Variants in APPBP2 observed in about 807,000 individuals in gnomAD.
The protein encoded by APPBP2 is amyloid protein-binding protein 2.
APPBP2 carries 15 observed loss-of-function variants against 76.0 expected under a neutral mutation model. That is an observed-to-expected ratio of 0.20 (90% confidence interval 0.13 to 0.30). The LOEUF is 0.30. Ranked by LOEUF, APPBP2 falls within the 10% of genes least tolerant of loss-of-function variation. The pLI, the probability that APPBP2 is intolerant of heterozygous loss-of-function variation, is 1.00. For synonymous variants in APPBP2, 222 were observed against 242.2 expected (o/e 0.92, Z 0.77); for missense variants, 401 against 687.2 (o/e 0.58, Z 4.66).
chr17:60,466,506 G>T, intron 4 of APPBP2, 47 bp from the exon 5 acceptor site: 1 of 1,564,430 alleles, frequency 6.4e-7, no homozygotes, highest in South Asian at 1.1e-5. Context: ...TTTTCAGCTT[G>T]GTAGACCTGA....
intron 9 of APPBP2, among the ~76,000 whole-genome samples, chr17:60,458,044 C>T (rs942024755): frequency 6.6e-6 from 1 of 152,202 alleles, no homozygotes; most frequent in Admixed American, 6.5e-5. Flanking sequence ...TAAATGAAAT[C>T]ATACAATATG....
chr17:60,465,520 C>G (rs2090504440), intron 5 of APPBP2, among the ~76,000 whole-genome samples: 1 of 152,122 alleles, frequency 6.6e-6, no homozygotes, highest in Non-Finnish European at 1.5e-5. Context: ...GTGCTGAGAG[C>G]TGCAAAGACA....
intron 1 of APPBP2, among the ~76,000 whole-genome samples, chr17:60,515,947 T>G (rs1248055130): frequency 1.3e-5 from 2 of 152,134 alleles, no homozygotes; most frequent in African/African-American, 4.8e-5. Flanking sequence ...GGCAGATCAC[T>G]TGAGGTCAGG....
At chr17:60,491,875 C>G (rs1012073408) in intron 3 of APPBP2, among the ~76,000 whole-genome samples, 1 of 152,208 alleles carries the variant, frequency 6.6e-6, no homozygotes, top group Non-Finnish European at 1.5e-5. Flanking sequence ...GCATGAGTAA[C>G]GAGCAGCCAA....
At chr17:60,524,891 G>C (rs1179960880) in intron 1 of APPBP2, among the ~76,000 whole-genome samples, 3 of 152,224 alleles carry the variant, frequency 2.0e-5, no homozygotes, top group Non-Finnish European at 2.9e-5. Context: ...AATAAATCCA[G>C]TGTTCACATT....
At chr17:60,495,917 T>C (rs1393343839) in intron 2 of APPBP2, among the ~76,000 whole-genome samples, 1 of 151,966 alleles carries the variant, frequency 6.6e-6, no homozygotes, top group Non-Finnish European at 1.5e-5. Context: ...ATAAGCAAAA[T>C]GCAGTATTAT....
intron 1 of APPBP2, among the ~76,000 whole-genome samples, chr17:60,513,989 C>A (rs2090941862): frequency 7.1e-6 from 1 of 141,142 alleles, no homozygotes. Flanking sequence ...TACATATTTT[C>A]CCCACATTAA....
At chr17:60,470,580 T>C (rs2090544962) in intron 4 of APPBP2, among the ~76,000 whole-genome samples, 1 of 152,068 alleles carries the variant, frequency 6.6e-6, no homozygotes, top group South Asian at 2.1e-4. Context: ...CTTTATTAAT[T>C]AATTAATTAA....
At chr17:60,460,136 GA>G (rs2090465980) in intron 9 of APPBP2, 1 of 152,246 alleles carries the variant, frequency 6.6e-6, no homozygotes, top group Non-Finnish European at 1.5e-5. Context: ...TATTCTGCAT[GA>G]AAATATACAA....
At chr17:60,482,621 T>A (rs758161898) in intron 3 of APPBP2, among the ~76,000 whole-genome samples, 1 of 152,166 alleles carries the variant, frequency 6.6e-6, no homozygotes, top group Non-Finnish European at 1.5e-5. Context: ...TGTGTGAGGT[T>A]CCCTGCCCTG....
chr17:60,497,492 T>C (rs1365251316), intron 2 of APPBP2, among the ~76,000 whole-genome samples: 2 of 152,166 alleles, frequency 1.3e-5, no homozygotes, highest in Non-Finnish European at 2.9e-5. Flanking sequence ...ACTGAAAGAA[T>C]ATAACTGGAT....
chr17:60,513,273 T>C (rs1008242694), intron 1 of APPBP2: 1 of 475,314 alleles, frequency 2.1e-6, no homozygotes, highest in Non-Finnish European at 3.9e-6. Context: ...CCATACACAA[T>C]CACAGCTCAA....
chr17:60,525,091 A>G (rs900369712), intron 1 of APPBP2, among the ~76,000 whole-genome samples: 1 of 152,256 alleles, frequency 6.6e-6, no homozygotes, highest in African/African-American at 2.4e-5. Context: ...CAACTTTCAA[A>G]CACAGGAACA....
At chr17:60,456,966 T>A (rs982701871) in intron 9 of APPBP2, among the ~76,000 whole-genome samples, 2 of 151,744 alleles carry the variant, frequency 1.3e-5, no homozygotes, top group Admixed American at 1.3e-4. Context: ...TGAAACTCCA[T>A]CTCTACTAAA....
chr17:60,512,348 C>T (rs1425358763), intron 1 of APPBP2, among the ~76,000 whole-genome samples: 1 of 151,900 alleles, frequency 6.6e-6, no homozygotes, highest in African/African-American at 2.4e-5. Context: ...CGTGATCCGC[C>T]CGCCTCGGCC....
chr17:60,454,060 C>T (rs113756782), intron 11 of APPBP2, among the ~76,000 whole-genome samples: 1 of 151,836 alleles, frequency 6.6e-6, no homozygotes, highest in Non-Finnish European at 1.5e-5. Flanking sequence ...ACAGGGTCTC[C>T]CTATGTTGTC....
At chr17:60,525,428 C>T (rs2091044786) in intron 1 of APPBP2, among the ~76,000 whole-genome samples, 2 of 151,994 alleles carry the variant, frequency 1.3e-5, no homozygotes, top group Admixed American at 6.6e-5. Context: ...GATGCTGACA[C>T]TTAATTGGAA....
At chr17:60,489,863 C>T (rs111637929) in intron 3 of APPBP2, among the ~76,000 whole-genome samples, 11,921 of 151,934 alleles carry the variant, frequency 0.078, 1,584 homozygotes, top group African/African-American at 0.27. Context: ...TGGTGAACCC[C>T]GTCTCTACTA....
intron 4 of APPBP2, among the ~76,000 whole-genome samples, chr17:60,476,387 ACTT>A (rs992291631): frequency 2.6e-5 from 4 of 152,206 alleles, no homozygotes; most frequent in Admixed American, 6.5e-5. Flanking sequence ...TGTGCAAAAC[ACTT>A]CTTTTCTAAT....
Sources: allele counts gnomAD v4.1 joint callset (sites outside exome capture counted in the v4.1 genomes callset), GRCh38; gene constraint gnomAD v4.1.1; transcripts MANE v1.5; gene names NCBI Gene and HGNC (gene_info 2026-07-23, HGNC 2026-07-21).